Variants in NCALD observed in about 807,000 individuals in gnomAD.
NCALD encodes the protein neurocalcin-delta.
NCALD carries 10 observed loss-of-function variants against 18.6 expected under a neutral mutation model. The observed-to-expected ratio is 0.54, with a 90% CI of 0.33 to 0.91. NCALD has a LOEUF of 0.91. NCALD is among the 40% of genes least tolerant of loss of function. The probability of loss-of-function intolerance (pLI) is 0.03; values close to 1 mark genes in which losing one functional copy is unlikely to be tolerated. For missense variants in NCALD, 184 were observed against 247.6 expected (o/e 0.74, Z 1.72); for synonymous variants, 88 against 87.4 (o/e 1.01, Z -0.04).
At chr8:101,722,729 G>A (rs958533846) in intron 1 of NCALD, among the ~76,000 whole-genome samples, 2 of 152,130 alleles carry the variant, frequency 1.3e-5, no homozygotes, top group Non-Finnish European at 2.9e-5. Context: ...TTTTAGCTAA[G>A]TCTCCCACTG....
At chr8:101,703,389 A>ACAGGACAGGTGGCAG (rs145580529) in intron 2 of NCALD, among the ~76,000 whole-genome samples, 1,645 of 152,302 alleles carry the variant, frequency 0.011, 24 homozygotes, top group African/African-American at 0.037. Context: ...GAAGGAGCTC[A>ACAGGACAGGTGGCAG]CAGGACAGGT....
rs1554598545 is a variant in NCALD at position 102,106,466 on chromosome 8, T to TATATATAC, written c.-210+17770_-210+17771insGTATATAT. Among the ~76,000 whole-genome samples, 212 of 139,094 alleles carry TATATATAC rather than the reference T, an allele frequency of 1.5e-3. 1 individual carries two copies. Among genetic ancestry groups the TATATATAC allele is most frequent in the Admixed American group, 2.1e-3 (30 of 14,256 alleles). 91.3% of individuals were successfully genotyped at this position (139,094 alleles called of 152,430 possible). A position where few individuals can be genotyped will look rare whatever the true frequency, so the allele number is the denominator to read the frequency against. Reference sequence around the variant, plus strand: ...TATAGTATATATATATATATATATATACACACACACACACACACACACACA... The same window carrying TATATATAC: ...TATAGTATATATATATATATATATATATATATACACACACACACACACACACACACACA... On this transcript the variant is annotated intron_variant, in intron 1 of 6. Transcript: ENST00000311028.
chr8:102,080,175 G>A (rs1824479672), intron 1 of NCALD, among the ~76,000 whole-genome samples: 1 of 152,194 alleles, frequency 6.6e-6, no homozygotes, highest in African/African-American at 2.4e-5. Context: ...TAATGGCACA[G>A]TGTGCTGTTG....
chr8:101,731,649 G>A (rs73699581), intron 1 of NCALD, among the ~76,000 whole-genome samples: 5,559 of 152,110 alleles, frequency 0.037, 173 homozygotes, highest in East Asian at 0.12. Flanking sequence ...ATGTAAATAC[G>A]CTCTCTCCTG....
At chr8:101,801,120 G>C (rs949712384) in intron 4 of NCALD, among the ~76,000 whole-genome samples, 7 of 152,052 alleles carry the variant, frequency 4.6e-5, no homozygotes, top group African/African-American at 1.7e-4. Flanking sequence ...AAGAAACAAA[G>C]AAAGAAAGAG....
intron 2 of NCALD, among the ~76,000 whole-genome samples, chr8:101,706,164 C>G (rs1373180039): frequency 2.0e-5 from 3 of 152,132 alleles, no homozygotes; most frequent in African/African-American, 4.8e-5. Context: ...TGAAATGAGA[C>G]AGTGGCAGAA....
At chr8:101,965,837 T>C (rs1662644906) in intron 2 of NCALD, among the ~76,000 whole-genome samples, 1 of 152,238 alleles carries the variant, frequency 6.6e-6, no homozygotes, top group Non-Finnish European at 1.5e-5. Context: ...GAAATGATTT[T>C]CTATTGCCTA....
intron 1 of NCALD, among the ~76,000 whole-genome samples, chr8:102,101,670 G>A (rs1225750047): frequency 2.0e-5 from 3 of 152,180 alleles, no homozygotes; most frequent in Non-Finnish European, 4.4e-5. Flanking sequence ...TGGAATTCTT[G>A]TATGTATAAG....
At chr8:102,071,412 C>T (rs960545075) in intron 1 of NCALD, among the ~76,000 whole-genome samples, 14 of 152,098 alleles carry the variant, frequency 9.2e-5, no homozygotes, top group Non-Finnish European at 1.6e-4. Flanking sequence ...TTAGCCTTTT[C>T]GATGTTTAAA....
At chr8:101,912,338 A>G (rs1403811010) in intron 3 of NCALD, among the ~76,000 whole-genome samples, 5 of 152,310 alleles carry the variant, frequency 3.3e-5, no homozygotes, top group East Asian at 1.9e-4. Context: ...CTTTTATAAA[A>G]TGAGTTATTA....
At chr8:101,964,141 T>C (rs1204066400) in intron 2 of NCALD, among the ~76,000 whole-genome samples, 1 of 152,196 alleles carries the variant, frequency 6.6e-6, no homozygotes, top group Non-Finnish European at 1.5e-5. Flanking sequence ...TCTAACTATC[T>C]TATTCTCAAG....
At chr8:102,027,294 T>C (rs746686007) in intron 1 of NCALD, among the ~76,000 whole-genome samples, 2 of 152,248 alleles carry the variant, frequency 1.3e-5, no homozygotes, top group Non-Finnish European at 2.9e-5. Flanking sequence ...TTATGATCTG[T>C]TTCCTCTGGA....
At chr8:102,028,769 C>G (rs779255451) in intron 1 of NCALD, among the ~76,000 whole-genome samples, 1 of 152,190 alleles carries the variant, frequency 6.6e-6, no homozygotes, top group South Asian at 2.1e-4. Context: ...GCAGCCCCAA[C>G]CTTCTGGTCA....
At chr8:101,864,616 C>T (rs564345003) in intron 4 of NCALD, among the ~76,000 whole-genome samples, 6 of 134,900 alleles carry the variant, frequency 4.4e-5, no homozygotes, top group Admixed American at 2.4e-4. Flanking sequence ...TTTTCTGAGA[C>T]GGAGTTTCCC....
chr8:101,821,776 C>T (rs781667616), intron 4 of NCALD, among the ~76,000 whole-genome samples: 27 of 149,840 alleles, frequency 1.8e-4, no homozygotes, highest in Middle Eastern at 3.4e-3. Context: ...CTGGAGTATA[C>T]GTTGTTTCTT....
intron 3 of NCALD, among the ~76,000 whole-genome samples, chr8:101,902,774 C>T (rs148527737): frequency 0.01 from 1,595 of 152,274 alleles, 10 homozygotes; most frequent in Non-Finnish European, 0.014. Flanking sequence ...CTAATTTCTG[C>T]TTGCTTACCT....
chr8:101,878,136 T>C (rs910251833), intron 4 of NCALD, among the ~76,000 whole-genome samples: 2 of 152,226 alleles, frequency 1.3e-5, no homozygotes, highest in African/African-American at 2.4e-5. Context: ...CGTTTTTTCT[T>C]GGCTGTTAAC....
At chr8:101,817,051 G>T (rs1368997213) in intron 4 of NCALD, among the ~76,000 whole-genome samples, 1 of 152,010 alleles carries the variant, frequency 6.6e-6, no homozygotes, top group Non-Finnish European at 1.5e-5. Context: ...TTTAAGCCCA[G>T]AAGATGATAT....
chr8:101,819,151 AC>A (rs1407855768), intron 4 of NCALD, among the ~76,000 whole-genome samples: 28 of 152,168 alleles, frequency 1.8e-4, no homozygotes, highest in Non-Finnish European at 3.2e-4. Flanking sequence ...TTCTCTTCAG[AC>A]TTTTAAATGA....
Sources: gnomAD v4.1 joint callset for allele counts (sites outside exome capture counted in the v4.1 genomes callset) on GRCh38, gnomAD v4.1.1 for gene constraint, MANE v1.5 for transcripts, NCBI Gene and HGNC (gene_info 2026-07-23, HGNC 2026-07-21) for gene names.